The following CASP1 variants were observed in gnomAD, a reference collection of about 807,000 sequenced individuals.
CASP1 encodes caspase 1.
CASP1 carries 31 observed loss-of-function variants against 41.2 expected under a neutral mutation model. The observed-to-expected ratio is 0.75, with a 90% confidence interval of 0.57 to 1.02. The LOEUF is 1.02. CASP1 is among the 50% of genes least tolerant of loss of function. The probability of loss-of-function intolerance (pLI) is 0.00; values close to 1 mark genes in which losing one functional copy is unlikely to be tolerated. For synonymous variants in CASP1, 163 were observed against 166.5 expected (o/e 0.98, Z 0.16); for missense variants, 490 against 495.7 (o/e 0.99, Z 0.11).
Position 105,033,050 on chromosome 11 carries a change from A to G in CASP1, c.337+14T>C. 1 of 1,525,112 alleles carries G rather than the reference A, an allele frequency of 6.6e-7. No individual in the cohort carries two copies. The highest frequency in any genetic ancestry group is 9.1e-7 in the Non-Finnish European group (1 of 1,101,352). 94.5% of individuals were successfully genotyped at this position (1,525,112 alleles called of 1,614,324 possible). A position where few individuals can be genotyped will look rare whatever the true frequency, so the allele number is the denominator to read the frequency against. Reference sequence around the variant, plus strand: ...GTGGGTCAAAGAATGCTCTTCCTTTAAAAACAGCATTACCTGGAAAGGAAG... The same window carrying G: ...GTGGGTCAAAGAATGCTCTTCCTTTGAAAACAGCATTACCTGGAAAGGAAG... On this transcript the variant is annotated intron_variant, in intron 3 of 8. Transcript: ENST00000533400.
chr11:105,026,170 T>A lies in CASP1; in HGVS notation c.*88A>T. 3 of 813,330 alleles carry A rather than the reference T, an allele frequency of 3.7e-6. No individual in the cohort carries two copies. The highest frequency in any genetic ancestry group is 6.1e-6 in the Non-Finnish European group (3 of 492,766). 50.4% of individuals were successfully genotyped at this position (813,330 alleles called of 1,614,324 possible). On this transcript the variant is annotated 3_prime_UTR_variant, in exon 9 of 9. Coordinates refer to ENST00000533400, the MANE Select transcript of CASP1 (RefSeq NM_001257118.3). ...GTAAACCTAGAGTTCTTGACTCAAA[T>A]GGACTTTCAGTACCCTTTCCTCAAC...
chr11:105,036,682 G>T (rs981472622), upstream of CASP1, among the ~76,000 whole-genome samples: 2 of 152,144 alleles, frequency 1.3e-5, no homozygotes, highest in Non-Finnish European at 2.9e-5. Flanking sequence ...GTGGAACTGT[G>T]AGTCTATTAA....
intron 4 of CASP1, chr11:105,030,731 G>A (rs1863639865): frequency 4.3e-6 from 2 of 464,874 alleles, no homozygotes; most frequent in Admixed American, 7.8e-5. Context: ...TGATAGGTAG[G>A]ATTTTGAAAG....
intron 7 of CASP1, chr11:105,027,175 T>C: frequency 1.6e-6 from 1 of 616,290 alleles, no homozygotes; most frequent in South Asian, 1.9e-5. Flanking sequence ...AAGTTAATTA[T>C]GCATTCTGAT....
intron 4 of CASP1, 93 bp downstream of exon 4, chr11:105,031,072 A>G (rs1045703551): frequency 5.4e-6 from 4 of 734,086 alleles, no homozygotes; most frequent in Admixed American, 1.9e-5. Context: ...GAACTGCTCA[A>G]TGAGGTTGGC....
intron 3 of CASP1, 84 bp from the exon 4 acceptor site, chr11:105,031,364 G>A: frequency 2.8e-6 from 2 of 727,134 alleles, no homozygotes; most frequent in Non-Finnish European, 4.8e-6. Context: ...TATGGATGAA[G>A]CCACAGAAGA....
At chr11:105,028,643 G>A (rs1324331530) in intron 7 of CASP1, among the ~76,000 whole-genome samples, 1 of 152,044 alleles carries the variant, frequency 6.6e-6, no homozygotes, top group Non-Finnish European at 1.5e-5. Flanking sequence ...TTACTCCAAA[G>A]CATACGTTTA....
intron 5 of CASP1, 97 bp from the exon 6 acceptor site, chr11:105,029,996 A>T: frequency 1.0e-6 from 1 of 971,252 alleles, no homozygotes; most frequent in Non-Finnish European, 1.6e-6. Flanking sequence ...TTCTTAAGGA[A>T]TTCCGTGACA....
intron 2 of CASP1, chr11:105,033,844 C>T (rs755663125): frequency 3.5e-6 from 2 of 575,860 alleles, no homozygotes; most frequent in Non-Finnish European, 6.6e-6. Context: ...TTTACAACTA[C>T]ATAAGTGCCT....
upstream of CASP1, among the ~76,000 whole-genome samples, chr11:105,035,571 G>A (rs1426898518): frequency 1.4e-5 from 2 of 139,926 alleles, no homozygotes; most frequent in African/African-American, 5.3e-5. Flanking sequence ...CAGAATTAAA[G>A]CTTTTCTTAT....
chr11:105,030,968 C>T (rs997694289), intron 4 of CASP1, 197 bp downstream of exon 4: 56 of 530,670 alleles, frequency 1.1e-4, no homozygotes, highest in African/African-American at 2.3e-4. Flanking sequence ...TTATTTACCC[C>T]GGAAGTGGAT....
chr11:105,035,288 G>A (rs980092400), upstream of CASP1: 51 of 880,610 alleles, frequency 5.8e-5, no homozygotes, highest in Non-Finnish European at 8.0e-5. Flanking sequence ...GTGTATCCAT[G>A]GGAAATTTTC....
intron 7 of CASP1, among the ~76,000 whole-genome samples, chr11:105,028,902 C>T (rs1364119547): frequency 2.0e-5 from 3 of 152,148 alleles, no homozygotes; most frequent in Non-Finnish European, 4.4e-5. Context: ...TCTCTGCTAT[C>T]GCTCAAAGTT....
Position 105,029,799 on chromosome 11 carries a change from A to G in CASP1, c.728T>C (p.Ile243Thr), listed in dbSNP as rs1451726408. ...TTGCTCAGAGTGTTTCTTCCCACAA[A>G]TGCCTTCCCGAATACCATGAGACAT... is the stretch of plus-strand genomic sequence containing the variant. ...VFMSHGIREGICGKKHSEQVP... is the reference protein window; with the variant it reads ...VFMSHGIREGTCGKKHSEQVP... The change falls in exon 6 of 9, where the codon ATT becomes ACT. Residue 243 changes from isoleucine to threonine, a missense_variant. Transcript: ENST00000533400. 4 of 1,613,614 alleles carry G rather than the reference A, an allele frequency of 2.5e-6. No individual in the cohort carries two copies. The highest frequency in any genetic ancestry group is 1.3e-5 in the African/African-American group (1 of 74,966).
chr11:105,030,896 G>A, intron 4 of CASP1: 1 of 388,612 alleles, frequency 2.6e-6, no homozygotes, highest in African/African-American at 2.0e-5. Context: ...ATATTATCAT[G>A]TGCAAAATGC....
intron 4 of CASP1, 190 bp downstream of exon 4, chr11:105,030,975 G>A: frequency 3.7e-6 from 2 of 541,356 alleles, no homozygotes; most frequent in East Asian, 3.1e-5. Flanking sequence ...CCCCGGAAGT[G>A]GATCCAATTT....
At chr11:105,032,370 T>C (rs1591202583) in intron 3 of CASP1, among the ~76,000 whole-genome samples, 1 of 152,160 alleles carries the variant, frequency 6.6e-6, no homozygotes, top group Non-Finnish European at 1.5e-5. Flanking sequence ...AGTATTTCTT[T>C]ATATATTGAA....
At chr11:105,034,538 A>G in intron 1 of CASP1, 64 bp from the exon 2 acceptor site, 2 of 1,598,592 alleles carry the variant, frequency 1.3e-6, no homozygotes, top group South Asian at 2.2e-5. Context: ...CATGTAATCA[A>G]CAGAAAGTGA....
At chr11:105,030,863 T>C (rs1376079920) in intron 4 of CASP1, 1 of 352,034 alleles carries the variant, frequency 2.8e-6, no homozygotes, top group Admixed American at 4.4e-5. Context: ...CTAAAATGGG[T>C]TGTGTTTAAG....
Sources: gnomAD v4.1 joint callset for allele counts (sites outside exome capture counted in the v4.1 genomes callset) on GRCh38, gnomAD v4.1.1 for gene constraint, MANE v1.5 for transcripts, NCBI Gene and HGNC (gene_info 2026-07-23, HGNC 2026-07-21) for gene names.